The following ARHGAP32 variants were observed in gnomAD, a reference collection of about 807,000 sequenced individuals.
ARHGAP32 encodes the protein rho GTPase-activating protein 32.
A neutral mutation model predicts 186.5 loss-of-function variants in ARHGAP32; 51 were observed. The observed-to-expected ratio is 0.27, with a 90% confidence interval of 0.22 to 0.35. ARHGAP32 has a LOEUF of 0.35. Ranked by LOEUF, ARHGAP32 falls within the 10% of genes least tolerant of loss-of-function variation. The pLI, the probability that ARHGAP32 is intolerant of heterozygous loss-of-function variation, is 1.00. For synonymous variants in ARHGAP32, 950 were observed against 964.3 expected (o/e 0.99, Z 0.27); for missense variants, 2,186 against 2,623.5 (o/e 0.83, Z 3.64).
Position 129,261,098 on chromosome 11 carries a change from A to AT in ARHGAP32, c.-5+18047dup, listed in dbSNP as rs1039216613. Among the ~76,000 whole-genome samples the AT allele has an allele frequency of 2.1e-3, 318 of 149,318 alleles. 2 individuals are homozygous for AT. Among genetic ancestry groups the AT allele is most frequent in the African/African-American group, 6.4e-3 (263 of 40,862 alleles). The stretch of plus-strand genomic sequence containing the variant: ...GAAAAAAAAATGGGTCCAATCTCCT[A>AT]TTTTTTTTTTAACTTTAATGAGCTT... On this transcript the variant is annotated intron_variant, in intron 1 of 6. Transcript: ENST00000525234.
intron 1 of ARHGAP32, among the ~76,000 whole-genome samples, chr11:129,197,734 T>C (rs1293447942): frequency 2.6e-5 from 4 of 152,186 alleles, no homozygotes; most frequent in Non-Finnish European, 4.4e-5. Context: ...AAAAATGTCA[T>C]TCATCATTAT....
chr11:129,187,507 AAAAT>A (rs1472677151), intron 1 of ARHGAP32, among the ~76,000 whole-genome samples: 2 of 152,220 alleles, frequency 1.3e-5, no homozygotes, highest in Non-Finnish European at 2.9e-5. Flanking sequence ...TGTACACTGA[AAAAT>A]AATTAAAAGA....
intron 1 of ARHGAP32, among the ~76,000 whole-genome samples, chr11:129,258,104 A>T (rs958228369): frequency 9.2e-5 from 14 of 152,232 alleles, no homozygotes; most frequent in African/African-American, 3.1e-4. Context: ...GGAATATTCA[A>T]TTCACTAATG....
At chr11:129,242,964 A>G (rs1429177233) in intron 1 of ARHGAP32, among the ~76,000 whole-genome samples, 1 of 152,116 alleles carries the variant, frequency 6.6e-6, no homozygotes, top group African/African-American at 2.4e-5. Flanking sequence ...AACTTCATCC[A>G]CTTCAATGGC....
At chr11:129,037,995 G>A (rs10893954) in intron 11 of ARHGAP32, among the ~76,000 whole-genome samples, 27,692 of 151,630 alleles carry the variant, frequency 0.18, 2,755 homozygotes, top group Non-Finnish European at 0.2. Context: ...CAGCTACTCC[G>A]GAGGCTGAGG....
At chr11:129,138,686 C>A (rs1942987667) in intron 2 of ARHGAP32, among the ~76,000 whole-genome samples, 1 of 152,128 alleles carries the variant, frequency 6.6e-6, no homozygotes, top group Non-Finnish European at 1.5e-5. Context: ...TACATTCAGC[C>A]CCACCACAAG....
At chr11:129,101,770 G>T (rs552837) in intron 5 of ARHGAP32, among the ~76,000 whole-genome samples, 107,147 of 152,088 alleles carry the variant, frequency 0.7, 38,034 homozygotes, top group South Asian at 0.84. Flanking sequence ...GAACCAAATT[G>T]GAAAACGTAT....
intron 1 of ARHGAP32, among the ~76,000 whole-genome samples, chr11:129,242,134 T>C (rs1945026724): frequency 1.3e-5 from 2 of 152,350 alleles, no homozygotes; most frequent in South Asian, 4.1e-4. Flanking sequence ...ATTATTATAA[T>C]TGTTTTACAG....
chr11:129,125,876 CCTT>C (rs759870260), intron 2 of ARHGAP32: 45 of 441,076 alleles, frequency 1.0e-4, no homozygotes, highest in South Asian at 6.9e-4. Flanking sequence ...TATTTTTACT[CCTT>C]CTTAGAGGTC....
intron 11 of ARHGAP32, among the ~76,000 whole-genome samples, chr11:129,031,268 A>G (rs987831291): frequency 1.3e-5 from 2 of 152,200 alleles, no homozygotes; most frequent in African/African-American, 2.4e-5. Context: ...AAATCAATAA[A>G]TAACAGTTGA....
intron 11 of ARHGAP32, chr11:129,023,961 A>C (rs1236966597): frequency 1.0e-6 from 1 of 985,238 alleles, no homozygotes; most frequent in African/African-American, 1.7e-5. Flanking sequence ...CATTCCGTAC[A>C]AGAGTGTAGA....
In ARHGAP32 at chr11:129,043,874, T is replaced by C. The variant is rs561718557; in HGVS notation, c.964-2865A>G. ...TGTTTGTTGCACTGATCTTCCCATATAGTAATTTTTAGTTGGTGAAAAAAA... is the reference window on the plus strand; with the variant it reads ...TGTTTGTTGCACTGATCTTCCCATACAGTAATTTTTAGTTGGTGAAAAAAA... On this transcript the variant is annotated intron_variant, in intron 10 of 22. Coordinates refer to ENST00000682385, the MANE Select transcript of ARHGAP32 (RefSeq NM_001378024.1). Among the ~76,000 whole-genome samples the C allele has an allele frequency of 2.4e-4, 37 of 152,290 alleles. No homozygotes were observed. The East Asian group carries it at 3.1e-3, about 13-fold the overall frequency.
rs71057936 is a variant in ARHGAP32, at chr11:129,238,756, AACAC to A, written c.-5+40386_-5+40389del. ...TTGCATAATCATAGAACTTATTTTA[AACAC>A]ACACACACACACACACACACACCTC... On this transcript the variant is annotated intron_variant, in intron 1 of 6. Coordinates refer to the ARHGAP32 transcript ENST00000525234. 2.1e-3 allele frequency among the ~76,000 whole-genome samples: 314 copies of A among 148,390 alleles called. 2 individuals carry two copies. Among genetic ancestry groups the A allele is most frequent in the South Asian group, 6.0e-3 (28 of 4,632 alleles).
chr11:129,121,144 T>C (rs914307885), intron 5 of ARHGAP32, among the ~76,000 whole-genome samples: 1 of 152,052 alleles, frequency 6.6e-6, no homozygotes, highest in Non-Finnish European at 1.5e-5. Context: ...CTGTAGCAGA[T>C]AGAACATAGG....
intron 1 of ARHGAP32, among the ~76,000 whole-genome samples, chr11:129,253,568 TACTA>T (rs142404688): frequency 0.014 from 2,186 of 152,250 alleles, 19 homozygotes; most frequent in South Asian, 0.03. Flanking sequence ...GAAAATCTGA[TACTA>T]ACACATTGTA....
intron 10 of ARHGAP32, among the ~76,000 whole-genome samples, chr11:129,056,981 C>A (rs1421592489): frequency 6.6e-6 from 1 of 152,136 alleles, no homozygotes; most frequent in Non-Finnish European, 1.5e-5. Flanking sequence ...CCCTCGTTTC[C>A]TTTACACTGC....
At chr11:129,017,249 T>G (rs1409612008) in intron 11 of ARHGAP32, among the ~76,000 whole-genome samples, 1 of 151,406 alleles carries the variant, frequency 6.6e-6, no homozygotes, top group South Asian at 2.1e-4. Flanking sequence ...AGGTCAGGAG[T>G]TCGAGACCAG....
At chr11:129,220,432 T>A (rs994054570) in intron 1 of ARHGAP32, among the ~76,000 whole-genome samples, 2 of 152,186 alleles carry the variant, frequency 1.3e-5, no homozygotes, top group African/African-American at 4.8e-5. Flanking sequence ...TTAGCTTTAA[T>A]GCATCAGTAC....
intron 10 of ARHGAP32, among the ~76,000 whole-genome samples, chr11:129,045,716 C>T (rs1939778729): frequency 6.6e-6 from 1 of 152,158 alleles, no homozygotes; most frequent in African/African-American, 2.4e-5. Context: ...CTTATTCTTT[C>T]TGCAGCTGTG....
Sources: allele counts gnomAD v4.1 joint callset (sites outside exome capture counted in the v4.1 genomes callset), GRCh38; gene constraint gnomAD v4.1.1; transcripts MANE v1.5; gene names NCBI Gene and HGNC (gene_info 2026-07-23, HGNC 2026-07-21).